MAP1B: variants seen among roughly 807,000 people sequenced by gnomAD.
The protein encoded by MAP1B is microtubule associated protein 1B.
MAP1B carries 12 observed loss-of-function variants against 176.1 expected under a neutral mutation model. The observed-to-expected ratio is 0.07, with a 90% CI of 0.04 to 0.11. The LOEUF is 0.11. MAP1B is among the 10% of genes least tolerant of loss of function. The pLI is 1.00. For synonymous variants in MAP1B, 1,044 were observed against 1,135.0 expected (o/e 0.92, Z 1.61); for missense variants, 2,523 against 2,990.5 (o/e 0.84, Z 3.65).
chr5:72,184,159 C>T (rs532118956), intron 3 of MAP1B, among the ~76,000 whole-genome samples: 7 of 152,132 alleles, frequency 4.6e-5, no homozygotes, highest in African/African-American at 9.7e-5. Context: ...GGAAAAGAGA[C>T]GCAAGCCCTC....
chr5:72,177,651 G>A (rs976494214), intron 2 of MAP1B, among the ~76,000 whole-genome samples: 1 of 152,170 alleles, frequency 6.6e-6, no homozygotes, highest in Non-Finnish European at 1.5e-5. Context: ...TGCCATGTGG[G>A]TTTCTGCAGA....
At chr5:72,139,226 G>GA (rs1389876488) in intron 2 of MAP1B, among the ~76,000 whole-genome samples, 4 of 152,084 alleles carry the variant, frequency 2.6e-5, no homozygotes, top group African/African-American at 9.7e-5. Context: ...AGTCATAAGA[G>GA]AAAAAAACTT....
At chr5:72,174,595 C>T (rs12659192) in intron 2 of MAP1B, among the ~76,000 whole-genome samples, 2 of 152,002 alleles carry the variant, frequency 1.3e-5, no homozygotes, top group Admixed American at 1.3e-4. Context: ...CTTGCGGGGG[C>T]CACATTTCCT....
At chr5:72,187,353 G>A (rs1302453267) in intron 4 of MAP1B, among the ~76,000 whole-genome samples, 1 of 152,244 alleles carries the variant, frequency 6.6e-6, no homozygotes, top group African/African-American at 2.4e-5. Flanking sequence ...CACATATAAA[G>A]TGTTGAAAAC....
chr5:72,147,149 A>C (rs778888564), intron 2 of MAP1B, among the ~76,000 whole-genome samples: 3 of 151,946 alleles, frequency 2.0e-5, no homozygotes, highest in Non-Finnish European at 4.4e-5. Context: ...TTGTATTTTT[A>C]GTAGAGACAA....
intron 2 of MAP1B, among the ~76,000 whole-genome samples, chr5:72,154,081 G>A (rs1746188891): frequency 6.6e-6 from 1 of 152,112 alleles, no homozygotes; most frequent in Non-Finnish European, 1.5e-5. Flanking sequence ...GAATGGTAAA[G>A]TAATATTATT....
rs2097390827 is a variant in MAP1B at position 72,209,379 on chromosome 5, T to A, written c.*4140T>A. 6.6e-6 allele frequency: 1 copy of A among 152,214 alleles called. No individual in the cohort carries two copies. Among genetic ancestry groups the A allele is most frequent in the Non-Finnish European group, 1.5e-5 (1 of 68,036 alleles). The allele number at this position is 152,214 out of a possible 1,614,324, so 9.4% of individuals were successfully genotyped here. The stretch of plus-strand genomic sequence containing the variant: ...CAGTCTGCAGCTGTGTATGGTATTA[T>A]GTCTTATAATCCTGCATCACTTCTA... On this transcript the variant is annotated 3_prime_UTR_variant, in exon 7 of 7. Transcript: ENST00000296755.
rs559906285 is a variant in MAP1B at position 72,147,248 on chromosome 5, C to T, written c.286+31449C>T. On this transcript the variant is annotated intron_variant, in intron 2 of 6. Coordinates refer to ENST00000296755, the MANE Select transcript of MAP1B (RefSeq NM_005909.5). ...CCTCCCAAAGTGCTGGGATTACAGG[C>T]GTGAGCCACTGTTTCTGGCCCAAAA... 2.3e-4 allele frequency among the ~76,000 whole-genome samples: 35 copies of T among 152,098 alleles called. 1 individual carries two copies. The East Asian group carries it at 4.1e-3, about 18-fold the overall frequency.
At chr5:72,164,883 T>C (rs928247871) in intron 2 of MAP1B, among the ~76,000 whole-genome samples, 4 of 152,234 alleles carry the variant, frequency 2.6e-5, no homozygotes, top group African/African-American at 7.2e-5. Flanking sequence ...TCTCTATTCA[T>C]AGGTGATATT....
intron 4 of MAP1B, among the ~76,000 whole-genome samples, chr5:72,191,298 A>G (rs916127269): frequency 3.3e-5 from 5 of 152,248 alleles, no homozygotes; most frequent in African/African-American, 7.2e-5. Flanking sequence ...TGATTTCCCA[A>G]TTTGTTCAGA....
intron 3 of MAP1B, among the ~76,000 whole-genome samples, chr5:72,184,346 C>T (rs1746843210): frequency 6.6e-6 from 1 of 152,154 alleles, no homozygotes; most frequent in Non-Finnish European, 1.5e-5. Context: ...CCCACATCTG[C>T]CTCTTACTAG....
intron 2 of MAP1B, among the ~76,000 whole-genome samples, chr5:72,140,923 A>T (rs545127137): frequency 6.6e-6 from 1 of 152,334 alleles, no homozygotes; most frequent in East Asian, 1.9e-4. Flanking sequence ...TCACCGCCCA[A>T]TAAAACCATT....
In MAP1B at chr5:72,196,852, A is replaced by G. The variant is rs752662992; in HGVS notation, c.3497A>G (p.Glu1166Gly). 2 of 1,614,158 alleles carry G rather than the reference A, an allele frequency of 1.2e-6. No homozygotes were observed. Among genetic ancestry groups the G allele is most frequent in the Non-Finnish European group, 1.7e-6 (2 of 1,179,996 alleles). ...GAATTCGTAAATATCACCAAATATG[A>G]ATCTTCATTGTATTCTCAGGAATAC... is the stretch of plus-strand genomic sequence containing the variant. ...SQEFVNITKY[E>G]SSLYSQEYSK... The change falls in exon 5 of 7, where the codon GAA becomes GGA. Residue 1166 changes from glutamate (E) to glycine (G), a missense_variant. Glu to Gly is a moderately conservative substitution (Grantham distance 98). Transcript: ENST00000296755. This position sits in a 1 kb window ranked among gnomAD's most constrained non-coding sequence, Gnocchi z 5.3.
intron 2 of MAP1B, among the ~76,000 whole-genome samples, chr5:72,123,976 GAGAA>G (rs1745577061): frequency 6.6e-6 from 1 of 152,228 alleles, no homozygotes; most frequent in African/African-American, 2.4e-5. Context: ...GTCAGAGAGA[GAGAA>G]AGAGAGAGTG....
At chr5:72,131,460 G>A (rs576786425) in intron 2 of MAP1B, among the ~76,000 whole-genome samples, 1 of 152,266 alleles carries the variant, frequency 6.6e-6, no homozygotes, top group South Asian at 2.1e-4. Context: ...GCACATTTCT[G>A]AGGAAATAGG....
intron 2 of MAP1B, among the ~76,000 whole-genome samples, chr5:72,123,510 A>C (rs1745568527): frequency 6.9e-6 from 1 of 145,736 alleles, no homozygotes; most frequent in Non-Finnish European, 1.5e-5. Context: ...TTGAAGATGG[A>C]GTCTCACTCT....
intron 2 of MAP1B, among the ~76,000 whole-genome samples, chr5:72,129,633 T>C (rs564895656): frequency 2.0e-4 from 30 of 152,116 alleles, no homozygotes; most frequent in Non-Finnish European, 3.4e-4. Context: ...CCTTCCGTTG[T>C]TTTCTCTTTG....
intron 1 of MAP1B, among the ~76,000 whole-genome samples, chr5:72,109,908 C>G (rs1318154972): frequency 6.6e-6 from 1 of 152,206 alleles, no homozygotes; most frequent in Non-Finnish European, 1.5e-5. Flanking sequence ...ATCTGATCAT[C>G]CTTTCAGCGC....
chr5:72,205,003 C>T, intron 6 of MAP1B, 81 bp from the exon 7 acceptor site: 1 of 1,132,132 alleles, frequency 8.8e-7, no homozygotes, highest in East Asian at 2.4e-5. Flanking sequence ...TTCCAGTGGT[C>T]TAATACCTTG....
Sources: allele counts gnomAD v4.1 joint callset (sites outside exome capture counted in the v4.1 genomes callset), GRCh38; gene constraint gnomAD v4.1.1; non-coding constraint Gnocchi (gnomAD v3.1); transcripts MANE v1.5; gene names NCBI Gene and HGNC (gene_info 2026-07-23, HGNC 2026-07-21).